ATP6V1B1: variants seen among roughly 807,000 people sequenced by gnomAD.
The protein encoded by ATP6V1B1 is V-type proton ATPase subunit B, kidney isoform.
In ATP6V1B1, 41 loss-of-function variants were observed where a neutral mutation model predicts 62.1. The observed-to-expected ratio is 0.66, with a 90% CI of 0.51 to 0.86. ATP6V1B1 has a LOEUF of 0.86. ATP6V1B1 is among the 40% of genes least tolerant of loss of function. The pLI is 0.00. For missense variants in ATP6V1B1, 651 were observed against 697.5 expected (o/e 0.93, Z 0.75); for synonymous variants, 253 against 273.4 (o/e 0.93, Z 0.74).
At chr2:70,942,220 G>A in intron 1 of ATP6V1B1, 1 of 421,070 alleles carries the variant, frequency 2.4e-6, no homozygotes. Flanking sequence ...AGGAAGAAGA[G>A]GGTGGCTCAG....
chr2:70,962,662 C>A, intron 8 of ATP6V1B1, 115 bp from the exon 9 acceptor site: 4 of 1,529,096 alleles, frequency 2.6e-6, no homozygotes, highest in Non-Finnish European at 3.6e-6. Context: ...CTTATCCATT[C>A]CTCTGCCACT....
rs1189376426 is a variant in ATP6V1B1 at position 70,959,336 on chromosome 2, C to A, written c.445+241C>A. ...CTGCCCGAAGGCCATCATGCCCCTG[C>A]CTTTGGCTTCCTGTCCACAATCCTG... On this transcript the variant is annotated intron_variant, in intron 5 of 13. Coordinates refer to ENST00000234396, the MANE Select transcript of ATP6V1B1 (RefSeq NM_001692.4). This position sits in a 1 kb window ranked among gnomAD's most constrained non-coding sequence, Gnocchi z 4.2. Among the ~76,000 whole-genome samples the A allele has an allele frequency of 6.6e-6, 1 of 152,232 alleles. No homozygotes were observed. The highest frequency in any genetic ancestry group is 1.5e-5 in the Non-Finnish European group (1 of 68,038).
intron 2 of ATP6V1B1, among the ~76,000 whole-genome samples, chr2:70,953,596 A>G (rs1450054937): frequency 6.6e-6 from 1 of 152,098 alleles, no homozygotes; most frequent in African/African-American, 2.4e-5. Context: ...TCTTTTTTAT[A>G]CATTGCTAGA....
intron 2 of ATP6V1B1, among the ~76,000 whole-genome samples, chr2:70,953,939 T>C (rs1478234935): frequency 6.6e-6 from 1 of 152,220 alleles, no homozygotes; most frequent in East Asian, 1.9e-4. Context: ...TGCATAAAAT[T>C]GTTCATAGTT....
At chr2:70,943,630 C>A (rs189104175) in intron 1 of ATP6V1B1, 28 bp from the exon 2 acceptor site, 37 of 1,605,632 alleles carry the variant, frequency 2.3e-5, no homozygotes, top group Non-Finnish European at 3.0e-5. Flanking sequence ...TGGGGTGAGA[C>A]CCCTACTCAC....
chr2:70,942,270 G>T, intron 1 of ATP6V1B1: 1 of 399,470 alleles, frequency 2.5e-6, no homozygotes, highest in South Asian at 1.3e-4. Context: ...TTTGAAGGCA[G>T]GGAGCTGAGG....
intron 1 of ATP6V1B1, chr2:70,942,474 G>T (rs1395776749): frequency 5.0e-6 from 2 of 398,534 alleles, no homozygotes; most frequent in South Asian, 1.3e-4. Context: ...GAAGAAGCTT[G>T]ACCACACATA....
intron 2 of ATP6V1B1, among the ~76,000 whole-genome samples, chr2:70,944,732 A>C (rs578136779): frequency 7.3e-4 from 107 of 146,040 alleles, no homozygotes; most frequent in African/African-American, 2.6e-3. Context: ...GCAGTGGCGC[A>C]ATCTCGGCTC....
intron 2 of ATP6V1B1, among the ~76,000 whole-genome samples, chr2:70,946,048 T>C (rs71414848): frequency 0.026 from 3,899 of 152,148 alleles, 51 homozygotes; most frequent in Non-Finnish European, 0.038. Flanking sequence ...CTGTGTTTTG[T>C]TCATCTTCAG....
At position 70,961,631 on chromosome 2, in the gene ATP6V1B1, CTT is replaced by C; in HGVS notation, c.725_726del (p.Phe242Ter). The C allele has an allele frequency of 6.2e-7, 1 of 1,614,252 alleles. No individual in the cohort carries two copies. Among genetic ancestry groups the C allele is most frequent in the East Asian group, 2.2e-5 (1 of 44,888 alleles). On this transcript the variant is annotated frameshift_variant, in exon 8 of 14. Coordinates refer to ENST00000234396, the MANE Select transcript of ATP6V1B1 (RefSeq NM_001692.4). LOFTEE classifies it high-confidence loss of function. ...AGACAGCCAGATTCTTCAAGTCTGACTTTGAGCAGAATGGAACCATGGGGAAC... is the reference window on the plus strand; with the variant it reads ...AGACAGCCAGATTCTTCAAGTCTGACTGAGCAGAATGGAACCATGGGGAAC... ...METARFFKSD[F>X]EQNGTMGNVC...
rs115657984 is a variant in ATP6V1B1, at chr2:70,947,377, G to T, written c.174+3664G>T. On this transcript the variant is annotated intron_variant, in intron 2 of 13. Coordinates refer to ENST00000234396, the MANE Select transcript of ATP6V1B1 (RefSeq NM_001692.4). ...CCCAGAGCTCTGATTCAGCATGCCT[G>T]GGGTAGGAGGCCCAAGAATGTACAT... Among the ~76,000 whole-genome samples the T allele has an allele frequency of 9.1e-3, 1,380 of 152,294 alleles. 21 individuals carry two copies. Among genetic ancestry groups the T allele is most frequent in the African/African-American group, 0.028 (1,173 of 41,564 alleles).
chr2:70,953,234 G>A (rs1445555061), intron 2 of ATP6V1B1, among the ~76,000 whole-genome samples: 3 of 152,178 alleles, frequency 2.0e-5, no homozygotes, highest in African/African-American at 7.2e-5. Context: ...CTAAAATGCT[G>A]GGGTTAAAGG....
At chr2:70,940,253 G>A (rs1229031800) in intron 1 of ATP6V1B1, 2 of 520,502 alleles carry the variant, frequency 3.8e-6, no homozygotes, top group Non-Finnish European at 4.9e-6. Context: ...AAGGAAGGGA[G>A]GAAGTTGAAA....
Position 70,943,726 on chromosome 2 carries a change from T to G in ATP6V1B1, c.174+13T>G. 1 of 1,613,376 alleles carries G rather than the reference T, an allele frequency of 6.2e-7. No homozygotes were observed. Among genetic ancestry groups the G allele is most frequent in the Non-Finnish European group, 8.5e-7 (1 of 1,179,956 alleles). On this transcript the variant is annotated intron_variant, in intron 2 of 13. Transcript: ENST00000234396. ...GGACCGGGTCAAGGTAAGACTCTTC[T>G]GCTGCCTCCCTGGCACTAAGGCCAA... is the stretch of plus-strand genomic sequence containing the variant.
chr2:70,960,343 A>G (rs1572920915), intron 6 of ATP6V1B1, among the ~76,000 whole-genome samples: 1 of 152,184 alleles, frequency 6.6e-6, no homozygotes, highest in African/African-American at 2.4e-5. Context: ...GGGGGAGCTC[A>G]CAGCCCCTAC....
At position 70,957,967 on chromosome 2, in the gene ATP6V1B1, G is replaced by C. The variant is rs1459863445; in HGVS notation, c.175-79G>C. 8 of 1,305,124 alleles carry C rather than the reference G, an allele frequency of 6.1e-6. No homozygotes were observed. The East Asian group carries it at 2.0e-4, about 32-fold the overall frequency. 80.8% of individuals were successfully genotyped at this position (1,305,124 alleles called of 1,614,324 possible). On this transcript the variant is annotated intron_variant, in intron 2 of 13. Coordinates refer to ENST00000234396, the MANE Select transcript of ATP6V1B1 (RefSeq NM_001692.4). Reference sequence around the variant, plus strand: ...AGAGGGGAGAGAACAGTTTGGGACTGGGTCAGGGAGGGCCGGAGGAGGAGA... The same window carrying C: ...AGAGGGGAGAGAACAGTTTGGGACTCGGTCAGGGAGGGCCGGAGGAGGAGA...
chr2:70,958,213 T>C (rs977506073), intron 3 of ATP6V1B1, 69 bp downstream of exon 3: 4 of 1,593,414 alleles, frequency 2.5e-6, no homozygotes, highest in East Asian at 2.2e-5. Flanking sequence ...CCACACTATC[T>C]ACAAACTCTG....
At chr2:70,937,196 T>G (rs1553415576) in intron 1 of ATP6V1B1, among the ~76,000 whole-genome samples, 1 of 150,584 alleles carries the variant, frequency 6.6e-6, no homozygotes, top group African/African-American at 2.4e-5. Flanking sequence ...TAACAGGGAG[T>G]GTGGTGTGAG....
At chr2:70,957,049 C>T (rs529021227) in intron 2 of ATP6V1B1, among the ~76,000 whole-genome samples, 5 of 148,890 alleles carry the variant, frequency 3.4e-5, no homozygotes, top group Non-Finnish European at 7.4e-5. Flanking sequence ...ATCCTTTGAT[C>T]AAATCCTTTT....
Sources: gnomAD v4.1 joint callset for allele counts (sites outside exome capture counted in the v4.1 genomes callset) on GRCh38, gnomAD v4.1.1 for gene constraint, Gnocchi (gnomAD v3.1) non-coding constraint, MANE v1.5 for transcripts, NCBI Gene and HGNC (gene_info 2026-07-23, HGNC 2026-07-21) for gene names.